Variants in BUB1B observed in about 807,000 individuals in gnomAD.
BUB1B encodes the protein mitotic checkpoint serine/threonine-protein kinase BUB1 beta.
A neutral mutation model predicts 137.7 loss-of-function variants in BUB1B; 86 were observed. That is an observed-to-expected ratio of 0.62 (90% CI 0.52 to 0.75). The LOEUF (loss-of-function observed/expected upper bound fraction) is 0.75. Among genes scored for constraint, BUB1B ranks in the 30% least tolerant of loss-of-function variants. The probability of loss-of-function intolerance (pLI) is 0.00; values close to 1 mark genes in which losing one functional copy is unlikely to be tolerated. For missense variants in BUB1B, 1,130 were observed against 1,236.9 expected, an observed-to-expected ratio of 0.91 and a Z score of 1.30; for synonymous variants, 420 against 417.9, an observed-to-expected ratio of 1.00 and a Z score of -0.06.
chr15:40,173,295 TA>T (rs61078619), intron 4 of BUB1B, among the ~76,000 whole-genome samples: 10,903 of 85,904 alleles, frequency 0.13, 1,434 homozygotes, highest in African/African-American at 0.36. Flanking sequence ...GAAAAAAAGA[TA>T]AAAAAAAAAA....
chr15:40,174,043 A>T (rs2037196250), intron 4 of BUB1B: 13 of 387,062 alleles, frequency 3.4e-5, no homozygotes, highest in South Asian at 2.4e-4. Context: ...TAACTTTTAG[A>T]TCTATTAATC....
intron 20 of BUB1B, among the ~76,000 whole-genome samples, chr15:40,215,189 G>A (rs1182813314): frequency 6.6e-6 from 1 of 152,160 alleles, no homozygotes. Context: ...CCAGAAAGGG[G>A]CCGAGCACAG....
intron 15 of BUB1B, 125 bp downstream of exon 15, chr15:40,206,583 A>T: frequency 8.3e-7 from 1 of 1,208,326 alleles, no homozygotes; most frequent in Non-Finnish European, 1.2e-6. Flanking sequence ...TAAGTGCTTT[A>T]CATGAGAGTA....
chr15:40,196,600 G>T lies in BUB1B; in HGVS notation c.1114G>T (p.Gly372Ter). Residue 372 changes from glycine to a stop codon, truncating the protein, a stop_gained, in exon 9 of 23, where the codon GGA becomes TGA. Coordinates refer to ENST00000287598, the MANE Select transcript of BUB1B (RefSeq NM_001211.6). LOFTEE classifies it high-confidence loss of function. ...CCACATCCTAAGCACCAGAAAGCCT[G>T]GAAAGGAAGAAGGAGATCCTCTACA... The part of the protein sequence containing the change: ...INHILSTRKP[G>*]KEEGDPLQRV... 6.2e-7 allele frequency: 1 copy of T among 1,613,954 alleles called. No individual in the cohort carries two copies. The highest frequency in any genetic ancestry group is 8.5e-7 in the Non-Finnish European group (1 of 1,179,912).
At chr15:40,214,816 A>G (rs901769946) in intron 20 of BUB1B, among the ~76,000 whole-genome samples, 7 of 152,188 alleles carry the variant, frequency 4.6e-5, no homozygotes, top group African/African-American at 1.7e-4. Context: ...GCAATGCAGG[A>G]TGTTTTATAT....
Position 40,213,380 on chromosome 15 carries a change from ATTATTTATAACC to A in BUB1B, c.2587_2598del (p.Ile863_Leu866del). ...TATTACCCATGAAATAACAGTGTTG[ATTATTTATAACC>A]TTTTGACAATAGTGGAGATGCTACA... is the stretch of plus-strand genomic sequence containing the variant. On this transcript the variant is annotated inframe_deletion, in exon 20 of 23. Coordinates refer to ENST00000287598, the MANE Select transcript of BUB1B (RefSeq NM_001211.6). 5 of 1,613,686 alleles carry A rather than the reference ATTATTTATAACC, an allele frequency of 3.1e-6. No homozygotes were observed. Among genetic ancestry groups the A allele is most frequent in the Non-Finnish European group, 4.2e-6 (5 of 1,179,630 alleles).
Position 40,185,626 on chromosome 15 carries a change from G to A in BUB1B, c.1042G>A (p.Ala348Thr), listed in dbSNP as rs777810016. 3.7e-6 allele frequency: 6 copies of A among 1,613,730 alleles called. No homozygotes were observed. The highest frequency in any genetic ancestry group is 4.2e-6 in the Non-Finnish European group (5 of 1,179,738). The part of the protein sequence containing the change: ...PSFTPYVEET[A>T]RQPVMTPCKI... ...TTTCACTCCATATGTGGAAGAGACT[G>A]CACGACAGCCAGTTATGTGAGTGTG... Residue 348 changes from alanine to threonine, a missense_variant, in exon 8 of 23, where the codon GCA becomes ACA. Physicochemically the swap from Ala to Thr is moderately conservative, Grantham distance 58. Coordinates refer to ENST00000287598, the MANE Select transcript of BUB1B (RefSeq NM_001211.6).
chr15:40,209,862 G>T (rs1457246631), intron 17 of BUB1B, 87 bp downstream of exon 17: 1 of 1,521,588 alleles, frequency 6.6e-7, no homozygotes, highest in Non-Finnish European at 9.1e-7. Flanking sequence ...CTTGAGCACT[G>T]TAAATATTCC....
intron 5 of BUB1B, among the ~76,000 whole-genome samples, chr15:40,177,780 C>CA (rs1455529986): frequency 6.7e-6 from 1 of 149,800 alleles, no homozygotes; most frequent in Non-Finnish European, 1.5e-5. Flanking sequence ...TATAATTCTC[C>CA]ATTTATTTAG....
intron 5 of BUB1B, among the ~76,000 whole-genome samples, chr15:40,181,865 A>G (rs2037297711): frequency 6.6e-6 from 1 of 152,072 alleles, no homozygotes; most frequent in African/African-American, 2.4e-5. Flanking sequence ...ATTCATTTCA[A>G]ATGTTTTTAC....
In BUB1B at chr15:40,200,256, A is replaced by C. The variant is rs2037548728; in HGVS notation, c.1414A>C (p.Met472Leu). ...TTAATGCAAACAGCAAGAAGAGACG[A>C]TGCCTACAAAGGAGACAACTAAACT... ...ERTGDQQEETMPTKETTKLQI... is the reference protein window; with the variant it reads ...ERTGDQQEETLPTKETTKLQI... The change falls in exon 11 of 23, where the codon ATG (methionine) becomes CTG (leucine). Residue 472 changes from methionine to leucine, a missense_variant. Transcript: ENST00000287598. The C allele has an allele frequency of 6.2e-7, 1 of 1,613,006 alleles. No homozygotes were observed. The highest frequency in any genetic ancestry group is 8.5e-7 in the Non-Finnish European group (1 of 1,179,142).
At chr15:40,211,531 G>T (rs990231466) in intron 18 of BUB1B, among the ~76,000 whole-genome samples, 1 of 152,140 alleles carries the variant, frequency 6.6e-6, no homozygotes, top group Non-Finnish European at 1.5e-5. Flanking sequence ...GAGCATATAA[G>T]CCTGGCTGCT....
intron 22 of BUB1B, among the ~76,000 whole-genome samples, chr15:40,219,237 C>A (rs1595540994): frequency 6.6e-6 from 1 of 151,902 alleles, no homozygotes; most frequent in East Asian, 1.9e-4. Flanking sequence ...GCAATTATTA[C>A]CAAAAGTTAA....
intron 20 of BUB1B, among the ~76,000 whole-genome samples, chr15:40,216,453 AAC>A (rs1210804083): frequency 2.7e-5 from 4 of 150,862 alleles, no homozygotes; most frequent in African/African-American, 9.7e-5. Flanking sequence ...AACCAAACAA[AAC>A]ACACACATGC....
intron 19 of BUB1B, 30 bp downstream of exon 19, chr15:40,212,678 T>G: frequency 6.2e-7 from 1 of 1,600,870 alleles, no homozygotes; most frequent in Non-Finnish European, 8.5e-7. Flanking sequence ...TAATTTAAAG[T>G]CCTGAAGTAG....
In BUB1B at chr15:40,218,563, G is replaced by A. The variant is rs1595540180; in HGVS notation, c.2957+1G>A. Reference sequence around the variant, plus strand: ...GGAAACTTAGCCAAAATATTTCTGAGTAAGTATTGATGAATGTCAGGGTCT... The same window carrying A: ...GGAAACTTAGCCAAAATATTTCTGAATAAGTATTGATGAATGTCAGGGTCT... On this transcript the variant is annotated splice_donor_variant, in intron 22 of 22. Coordinates refer to ENST00000287598, the MANE Select transcript of BUB1B (RefSeq NM_001211.6). LOFTEE classifies it high-confidence loss of function. 1 of 1,596,528 alleles carries A rather than the reference G, an allele frequency of 6.3e-7. No homozygotes were observed. Among genetic ancestry groups the A allele is most frequent in the Non-Finnish European group, 8.6e-7 (1 of 1,164,060 alleles).
rs1338798216 is a variant in BUB1B at position 40,210,172 on chromosome 15, G to A, written c.2347G>A (p.Val783Met). 3 of 1,612,246 alleles carry A rather than the reference G, an allele frequency of 1.9e-6. No homozygotes were observed. Among genetic ancestry groups the A allele is most frequent in the Non-Finnish European group, 2.5e-6 (3 of 1,178,534 alleles). Residue 783 changes from valine to methionine, a missense_variant, in exon 18 of 23, where the codon GTG becomes ATG. Coordinates refer to ENST00000287598, the MANE Select transcript of BUB1B (RefSeq NM_001211.6). ...LICEDYKLFW[V>M]APRNSAELTV... ...ATGTGAAGATTACAAGTTATTCTGGGTGGCGCCAAGAAACTCTGCAGAATT... is the reference window on the plus strand; with the variant it reads ...ATGTGAAGATTACAAGTTATTCTGGATGGCGCCAAGAAACTCTGCAGAATT...
chr15:40,166,370 C>T (rs767778105), intron 2 of BUB1B: 53 of 432,728 alleles, frequency 1.2e-4, no homozygotes, highest in African/African-American at 9.3e-4. Flanking sequence ...GACGGAGTCT[C>T]GCTCTTTCGG....
chr15:40,163,007 G>C (rs2037057842), intron 1 of BUB1B, among the ~76,000 whole-genome samples: 1 of 152,188 alleles, frequency 6.6e-6, no homozygotes, highest in African/African-American at 2.4e-5. Flanking sequence ...TGCTGTGTAT[G>C]TGGAGTTTTC....
Sources: allele counts gnomAD v4.1 joint callset (sites outside exome capture counted in the v4.1 genomes callset), GRCh38; gene constraint gnomAD v4.1.1; transcripts MANE v1.5; gene names NCBI Gene and HGNC (gene_info 2026-07-23, HGNC 2026-07-21).